The following ZNF501 variants were observed in gnomAD, a reference collection of about 807,000 sequenced individuals.
The protein encoded by ZNF501 is zinc finger protein 52.
A neutral mutation model predicts 5.7 loss-of-function variants in ZNF501; 7 were observed. The ratio of observed to expected loss-of-function variants is 1.24; its 90% CI spans 0.70 to 2.32. ZNF501 has a LOEUF of 2.32. Among genes scored for constraint, ZNF501 ranks in the 30% most tolerant of loss-of-function variants. The pLI is 0.00. For synonymous variants in ZNF501, 107 were observed against 101.9 expected (o/e 1.05, Z -0.30); for missense variants, 352 against 321.1 (o/e 1.10, Z -0.73).
At position 44,734,580 on chromosome 3, in the gene ZNF501, T is replaced by G. The variant is rs1704663378; in HGVS notation, c.159T>G (p.Ser53Arg). 1 of 1,614,036 alleles carries G rather than the reference T, an allele frequency of 6.2e-7. No homozygotes were observed. The highest frequency in any genetic ancestry group is 8.5e-7 in the Non-Finnish European group (1 of 1,180,020). Reference protein sequence around the residue: ...IHRGEKPYVCSECGSCFRKQS... With the variant: ...IHRGEKPYVCRECGSCFRKQS... ...GAGGAGAGAAGCCCTATGTGTGCAGTGAATGTGGAAGTTGTTTCCGTAAAC... is the reference window on the plus strand; with the variant it reads ...GAGGAGAGAAGCCCTATGTGTGCAGGGAATGTGGAAGTTGTTTCCGTAAAC... The change falls in exon 3 of 3, where the codon AGT becomes AGG. Residue 53 changes from serine (S) to arginine (R), a missense_variant. By Grantham distance (110) the Ser-to-Arg change is moderately radical. Transcript: ENST00000620116.
chr3:44,735,074 A>G lies in ZNF501; in HGVS notation c.653A>G (p.Tyr218Cys), dbSNP rs753776632. 9.9e-6 allele frequency: 16 copies of G among 1,614,072 alleles called. No homozygotes were observed. Among genetic ancestry groups the G allele is most frequent in the South Asian group, 6.6e-5 (6 of 91,090 alleles). The change falls in exon 3 of 3, where the codon TAT (tyrosine) becomes TGT (cysteine). Residue 218 changes from tyrosine (Y) to cysteine (C), a missense_variant. Tyr to Cys is a radical substitution (Grantham distance 194). Coordinates refer to ENST00000620116, the MANE Select transcript of ZNF501 (RefSeq NM_001258280.2). Reference protein sequence around the residue: ...HERTHTGEKLYKCSECEKTFR... With the variant: ...HERTHTGEKLCKCSECEKTFR... ...AGGACTCACACTGGAGAGAAACTTTATAAGTGTAGTGAGTGTGAAAAAACT... is the reference window on the plus strand; with the variant it reads ...AGGACTCACACTGGAGAGAAACTTTGTAAGTGTAGTGAGTGTGAAAAAACT...
intron 1 of ZNF501, 141 bp from the exon 2 acceptor site, chr3:44,731,335 C>T (rs1704612785): frequency 6.6e-6 from 1 of 152,228 alleles, no homozygotes; most frequent in Non-Finnish European, 1.5e-5. Context: ...GGAGATACTC[C>T]TCTAGGATAA....
At position 44,735,104 on chromosome 3, in the gene ZNF501, G is replaced by A. The variant is rs201050548; in HGVS notation, c.683G>A (p.Arg228His). The A allele has an allele frequency of 2.7e-5, 44 of 1,614,060 alleles. 1 individual carries two copies. The highest frequency in any genetic ancestry group is 1.3e-4 in the East Asian group (6 of 44,874). ...TGTAGTGAGTGTGAAAAAACTTTCCGCAAACAAGCACACCTTAGTGAGCAT... is the reference window on the plus strand; with the variant it reads ...TGTAGTGAGTGTGAAAAAACTTTCCACAAACAAGCACACCTTAGTGAGCAT... The part of the protein sequence containing the change: ...YKCSECEKTF[R>H]KQAHLSEHYR... Residue 228 changes from arginine to histidine, a missense_variant, in exon 3 of 3, where the codon CGC becomes CAC. Coordinates refer to ENST00000620116, the MANE Select transcript of ZNF501 (RefSeq NM_001258280.2).
intron 2 of ZNF501, among the ~76,000 whole-genome samples, chr3:44,733,772 T>C (rs2125874022): frequency 6.6e-6 from 1 of 152,312 alleles, no homozygotes; most frequent in East Asian, 1.9e-4. Context: ...GAATTATAGA[T>C]GGTGAATGTT....
intron 2 of ZNF501, among the ~76,000 whole-genome samples, chr3:44,732,826 C>T (rs574681130): frequency 6.6e-6 from 1 of 152,178 alleles, no homozygotes; most frequent in Non-Finnish European, 1.5e-5. Context: ...ATTTTGTTAA[C>T]AAAAATTTTC....
In ZNF501 at chr3:44,736,131, C is replaced by T. The variant is rs143750569; in HGVS notation, c.*894C>T. ...GATGAGGGTAGAAGATGTTAAGATC[C>T]CAGGTTCCAGCAACTGATGCCACTG... On this transcript the variant is annotated 3_prime_UTR_variant, in exon 3 of 3. Coordinates refer to ENST00000620116, the MANE Select transcript of ZNF501 (RefSeq NM_001258280.2). The T allele has an allele frequency of 0.015, 2,560 of 167,088 alleles. 35 individuals carry two copies. The highest frequency in any genetic ancestry group is 0.02 in the Non-Finnish European group (1,344 of 68,110). The allele number at this position is 167,088 out of a possible 1,614,324, so 10.4% of individuals were successfully genotyped here.
rs1394140873 is a variant in ZNF501 at position 44,734,669 on chromosome 3, G to T, written c.248G>T (p.Cys83Phe). The change falls in exon 3 of 3, where the codon TGT (cysteine) becomes TTT (phenylalanine). Residue 83 changes from cysteine to phenylalanine, a missense_variant. Coordinates refer to ENST00000620116, the MANE Select transcript of ZNF501 (RefSeq NM_001258280.2). Reference protein sequence around the residue: ...TGEKPYKCNECEKAFQTKAIL... With the variant: ...TGEKPYKCNEFEKAFQTKAIL... ...GAGAAACCTTATAAATGTAATGAAT[G>T]TGAGAAAGCCTTTCAAACAAAAGCA... 11 of 1,614,026 alleles carry T rather than the reference G, an allele frequency of 6.8e-6. No homozygotes were observed. The highest frequency in any genetic ancestry group is 9.3e-6 in the Non-Finnish European group (11 of 1,180,024).
At chr3:44,732,455 A>C (rs1185427547) in intron 2 of ZNF501, among the ~76,000 whole-genome samples, 1 of 152,266 alleles carries the variant, frequency 6.6e-6, no homozygotes, top group East Asian at 1.9e-4. Context: ...TGTATATAGC[A>C]TATCCATGTT....
Position 44,736,212 on chromosome 3 carries a change from A to T in ZNF501, c.*975A>T, listed in dbSNP as rs150538377. ...AGAGAACAGTGTCTTGGGGATGCTG[A>T]TGGGTTGGAGTGCCTAATGGCTCAT... On this transcript the variant is annotated 3_prime_UTR_variant, in exon 3 of 3. Coordinates refer to ENST00000620116, the MANE Select transcript of ZNF501 (RefSeq NM_001258280.2). The T allele has an allele frequency of 3.1e-4, 51 of 167,208 alleles. No homozygotes were observed. The highest frequency in any genetic ancestry group is 1.1e-3 in the African/African-American group (47 of 41,580). The allele number at this position is 167,208 out of a possible 1,614,324, so 10.4% of individuals were successfully genotyped here.
rs778273404 is a variant in ZNF501, at chr3:44,734,657, A to C, written c.236A>C (p.Lys79Thr). The C allele has an allele frequency of 8.2e-5, 132 of 1,614,150 alleles. No homozygotes were observed. The South Asian group carries it at 1.4e-3, about 17-fold the overall frequency. The part of the protein sequence containing the change: ...LRIHTGEKPY[K>T]CNECEKAFQT... Reference sequence around the variant, plus strand: ...ATTCATACCGGAGAGAAACCTTATAAATGTAATGAATGTGAGAAAGCCTTT... The same window carrying C: ...ATTCATACCGGAGAGAAACCTTATACATGTAATGAATGTGAGAAAGCCTTT... Residue 79 changes from lysine (K) to threonine (T), a missense_variant, in exon 3 of 3, where the codon AAA becomes ACA. Coordinates refer to ENST00000620116, the MANE Select transcript of ZNF501 (RefSeq NM_001258280.2).
In ZNF501 at chr3:44,735,074, A is replaced by T. The variant is rs753776632; in HGVS notation, c.653A>T (p.Tyr218Phe). The T allele has an allele frequency of 6.2e-7, 1 of 1,614,190 alleles. No homozygotes were observed. Among genetic ancestry groups the T allele is most frequent in the Non-Finnish European group, 8.5e-7 (1 of 1,180,022 alleles). The change falls in exon 3 of 3, where the codon TAT becomes TTT. Residue 218 changes from tyrosine (Y) to phenylalanine (F), a missense_variant. Coordinates refer to ENST00000620116, the MANE Select transcript of ZNF501 (RefSeq NM_001258280.2). ...HERTHTGEKLYKCSECEKTFR... is the reference protein window; with the variant it reads ...HERTHTGEKLFKCSECEKTFR... Reference sequence around the variant, plus strand: ...AGGACTCACACTGGAGAGAAACTTTATAAGTGTAGTGAGTGTGAAAAAACT... The same window carrying T: ...AGGACTCACACTGGAGAGAAACTTTTTAAGTGTAGTGAGTGTGAAAAAACT...
Position 44,737,069 on chromosome 3 carries a change from C to A in ZNF501, c.*1832C>A, listed in dbSNP as rs1357625417. On this transcript the variant is annotated 3_prime_UTR_variant, in exon 3 of 3. Transcript: ENST00000620116. Reference sequence around the variant, plus strand: ...TTGTTCTGTATCAGTAAATAAAGATCTTTCCCCCACCCTTGCCCAGTGTGT... The same window carrying A: ...TTGTTCTGTATCAGTAAATAAAGATATTTCCCCCACCCTTGCCCAGTGTGT... The A allele has an allele frequency of 6.0e-6, 1 of 166,952 alleles. No individual in the cohort carries two copies. Among genetic ancestry groups the A allele is most frequent in the Non-Finnish European group, 1.5e-5 (1 of 68,094 alleles). 10.3% of individuals were successfully genotyped at this position (166,952 alleles called of 1,614,324 possible). A position where few individuals can be genotyped will look rare whatever the true frequency, so the allele number is the denominator to read the frequency against.
At chr3:44,733,046 A>T (rs940446978) in intron 2 of ZNF501, among the ~76,000 whole-genome samples, 1 of 150,258 alleles carries the variant, frequency 6.7e-6, no homozygotes, top group Admixed American at 6.6e-5. Flanking sequence ...TGCTCTTAAA[A>T]CTCCTGGCCT....
intron 2 of ZNF501, among the ~76,000 whole-genome samples, chr3:44,733,230 T>C (rs1214352127): frequency 6.6e-6 from 1 of 152,190 alleles, no homozygotes; most frequent in Non-Finnish European, 1.5e-5. Context: ...AGAAGAAGCA[T>C]GTGTTAGTGT....
intron 2 of ZNF501, among the ~76,000 whole-genome samples, chr3:44,732,694 G>C (rs1046183024): frequency 6.6e-6 from 1 of 152,114 alleles, no homozygotes; most frequent in Non-Finnish European, 1.5e-5. Context: ...AGCAGAACCT[G>C]TAGAACAATT....
intron 1 of ZNF501, among the ~76,000 whole-genome samples, chr3:44,730,653 A>G (rs2125873015): frequency 6.6e-6 from 1 of 152,330 alleles, no homozygotes; most frequent in East Asian, 1.9e-4. Context: ...TTGCATTAGG[A>G]GGGTTCTTGA....
chr3:44,733,612 T>A (rs1482855804), intron 2 of ZNF501, among the ~76,000 whole-genome samples: 1 of 152,212 alleles, frequency 6.6e-6, no homozygotes, highest in Non-Finnish European at 1.5e-5. Context: ...TGGACCATGA[T>A]GCTGTAGTCA....
intron 1 of ZNF501, among the ~76,000 whole-genome samples, chr3:44,730,668 T>A (rs1704599027): frequency 6.6e-6 from 1 of 152,230 alleles, no homozygotes; most frequent in Admixed American, 6.5e-5. Flanking sequence ...TCTTGAAACC[T>A]TTCCCTTATG....
rs1045174110 is a variant in ZNF501 at position 44,734,232 on chromosome 3, T to C, written c.-190T>C. 19 of 556,026 alleles carry C rather than the reference T, an allele frequency of 3.4e-5. No homozygotes were observed. The highest frequency in any genetic ancestry group is 2.4e-4 in the African/African-American group (13 of 53,436). 34.4% of individuals were successfully genotyped at this position (556,026 alleles called of 1,614,324 possible). A position where few individuals can be genotyped will look rare whatever the true frequency, so the allele number is the denominator to read the frequency against. On this transcript the variant is annotated 5_prime_UTR_variant, in exon 3 of 3. Transcript: ENST00000620116. ...CATCAGGGGTTCACTTTCAGAGAAG[T>C]TGAGAATGCAGGCTGAACAAGGAAG...
Sources: allele counts gnomAD v4.1 joint callset (sites outside exome capture counted in the v4.1 genomes callset), GRCh38; gene constraint gnomAD v4.1.1; transcripts MANE v1.5; gene names NCBI Gene and HGNC (gene_info 2026-07-23, HGNC 2026-07-21).